The following GDAP1 variants were observed in gnomAD, a reference collection of about 807,000 sequenced individuals.
GDAP1 encodes the protein ganglioside-induced differentiation-associated protein 1.
In GDAP1, 34 loss-of-function variants were observed where a neutral mutation model predicts 40.1. That is an observed-to-expected ratio of 0.85 (90% CI 0.64 to 1.13). The LOEUF is 1.13. GDAP1 is among the 50% of genes most tolerant of loss of function. The pLI, the probability that GDAP1 is intolerant of heterozygous loss-of-function variation, is 0.00. For missense variants in GDAP1, 374 were observed against 433.7 expected (o/e 0.86, Z 1.22); for synonymous variants, 170 against 157.4 (o/e 1.08, Z -0.60).
chr8:74,403,768 C>CTGT (rs1320918276), intron 2 of GDAP1, among the ~76,000 whole-genome samples: 1 of 150,104 alleles, frequency 6.7e-6, no homozygotes, highest in Non-Finnish European at 1.5e-5. Flanking sequence ...AGCGTACTGC[C>CTGT]TGTCTACCTA....
Position 74,409,885 on chromosome 8 carries a change from T to C in GDAP1, c.165+58564T>C, listed in dbSNP as rs1805687517. ...CTGCTATATAGACCCCAAATTTTAG[T>C]TGGTCAGAAAGATGGACTTGAGACT... On this transcript the variant is annotated intron_variant, in intron 2 of 2. Transcript: ENST00000523640. Among the ~76,000 whole-genome samples, 2 of 149,994 alleles carry C rather than the reference T, an allele frequency of 1.3e-5. 1 individual carries two copies. Among genetic ancestry groups the C allele is most frequent in the African/African-American group, 5.1e-5 (2 of 39,346 alleles).
chr8:74,364,006 T>A lies in GDAP1; in HGVS notation c.716T>A (p.Leu239His). ...TTAGAAGAGGGCCAGCAACCTTGGC[T>A]CTGCGGTGAATCCTTCACCCTGGCA... ...ETPEEGQQPW[L>H]CGESFTLADV... Residue 239 changes from leucine (L) to histidine (H), a missense_variant, in exon 6 of 6, where the codon CTC (leucine) becomes CAC (histidine). By Grantham distance (99) the Leu-to-His change is moderately conservative. Transcript: ENST00000220822. 6.2e-7 allele frequency: 1 copy of A among 1,614,096 alleles called. No homozygotes were observed. Among genetic ancestry groups the A allele is most frequent in the South Asian group, 1.1e-5 (1 of 91,076 alleles).
At chr8:74,468,429 T>A (rs1193088073) in intron 2 of GDAP1, among the ~76,000 whole-genome samples, 1 of 151,710 alleles carries the variant, frequency 6.6e-6, no homozygotes, top group Non-Finnish European at 1.5e-5. Flanking sequence ...ATTGATTTAA[T>A]AAATTTCTTG....
chr8:74,456,298 C>A (rs1300163031), intron 2 of GDAP1, among the ~76,000 whole-genome samples: 1 of 151,914 alleles, frequency 6.6e-6, no homozygotes, highest in Non-Finnish European at 1.5e-5. Context: ...TGTCTTGTAT[C>A]TGAAAAGCTT....
chr8:74,437,872 G>A (rs1806112645), intron 2 of GDAP1, among the ~76,000 whole-genome samples: 1 of 152,076 alleles, frequency 6.6e-6, no homozygotes, highest in South Asian at 2.1e-4. Context: ...TGGACATATA[G>A]ACTGTCTCCA....
chr8:74,438,289 A>G (rs1355037059), intron 2 of GDAP1, among the ~76,000 whole-genome samples: 1 of 152,074 alleles, frequency 6.6e-6, no homozygotes, highest in Non-Finnish European at 1.5e-5. Flanking sequence ...AAACAACAAC[A>G]AAAAAAGAAG....
At chr8:74,396,559 T>C (rs1251711703) in intron 2 of GDAP1, among the ~76,000 whole-genome samples, 3 of 150,018 alleles carry the variant, frequency 2.0e-5, no homozygotes, top group African/African-American at 2.4e-5. Flanking sequence ...CCTGTGTCCA[T>C]GTGTTCTCAT....
intron 2 of GDAP1, among the ~76,000 whole-genome samples, chr8:74,444,157 A>G (rs1460485647): frequency 2.0e-5 from 3 of 151,344 alleles, no homozygotes; most frequent in Non-Finnish European, 4.4e-5. Context: ...GTCCATGGTG[A>G]CTGGTGAGTG....
chr8:74,422,348 T>TCTTTCTTA (rs1805882933), intron 2 of GDAP1, among the ~76,000 whole-genome samples: 2 of 37,686 alleles, frequency 5.3e-5, no homozygotes, highest in Admixed American at 5.8e-4. Flanking sequence ...TTTCTTTCTT[T>TCTTTCTTA]CTTCCCTTCC....
rs1473257814 is a variant in GDAP1, at chr8:74,366,514, T to A, written c.*2147T>A. 2.2e-6 allele frequency: 1 copy of A among 454,320 alleles called. No individual in the cohort carries two copies. The highest frequency in any genetic ancestry group is 4.4e-6 in the Non-Finnish European group (1 of 226,726). 28.1% of individuals were successfully genotyped at this position (454,320 alleles called of 1,614,324 possible). A position where few individuals can be genotyped will look rare whatever the true frequency, so the allele number is the denominator to read the frequency against. On this transcript the variant is annotated 3_prime_UTR_variant, in exon 6 of 6. Coordinates refer to ENST00000220822, the MANE Select transcript of GDAP1 (RefSeq NM_018972.4). ...GTCAAGCTAGAGTTAAACACAGTAT[T>A]AGCTAAATAGGCACTTATGTGTATT... is the stretch of plus-strand genomic sequence containing the variant.
At chr8:74,380,923 T>A (rs920092198) in intron 2 of GDAP1, among the ~76,000 whole-genome samples, 4 of 152,192 alleles carry the variant, frequency 2.6e-5, no homozygotes, top group Admixed American at 2.6e-4. Flanking sequence ...ATTGATAGTC[T>A]TAAATAAAGT....
chr8:74,395,031 C>A (rs1473416283), intron 2 of GDAP1, among the ~76,000 whole-genome samples: 2 of 152,114 alleles, frequency 1.3e-5, no homozygotes, highest in Non-Finnish European at 2.9e-5. Flanking sequence ...TCTTTGCTGG[C>A]CTGTAAACTT....
At chr8:74,398,999 T>A (rs1010745080) in intron 2 of GDAP1, among the ~76,000 whole-genome samples, 1 of 152,084 alleles carries the variant, frequency 6.6e-6, no homozygotes, top group African/African-American at 2.4e-5. Flanking sequence ...AGGATATTGA[T>A]CTAAAATTCT....
In GDAP1 at chr8:74,450,739, G is replaced by A. The variant is rs1432582406; in HGVS notation, c.166-37939G>A. On this transcript the variant is annotated intron_variant, in intron 2 of 2. Transcript: ENST00000523640. The stretch of plus-strand genomic sequence containing the variant: ...TTTGATTTGGCAATCTCTTTTAATT[G>A]CAGCTTTTAGTTTATTTACATTAAT... 1.6e-4 allele frequency among the ~76,000 whole-genome samples: 6 copies of A among 38,140 alleles called. 3 individuals are homozygous for A. The highest frequency in any genetic ancestry group is 7.4e-4 in the African/African-American group (6 of 8,106). The allele number at this position is 38,140 out of a possible 152,430, so 25.0% of individuals were successfully genotyped here. A position where few individuals can be genotyped will look rare whatever the true frequency, so the allele number is the denominator to read the frequency against.
At chr8:74,481,124 T>G (rs1318020733) in intron 2 of GDAP1, among the ~76,000 whole-genome samples, 1 of 152,268 alleles carries the variant, frequency 6.6e-6, no homozygotes, top group Non-Finnish European at 1.5e-5. Context: ...TTGAAGAAAC[T>G]GTGACACTGA....
At chr8:74,459,871 AATTACAACCAC>A (rs1340882602) in intron 2 of GDAP1, among the ~76,000 whole-genome samples, 6 of 152,226 alleles carry the variant, frequency 3.9e-5, no homozygotes, top group African/African-American at 1.4e-4. Flanking sequence ...ATGTACTTAA[AATTACAACCAC>A]ATTATATTCA....
Position 74,401,108 on chromosome 8 carries a change from A to G in GDAP1, c.165+49787A>G, listed in dbSNP as rs1286548179. On this transcript the variant is annotated intron_variant, in intron 2 of 2. Transcript: ENST00000523640. ...AATCTGAATGTTGGCCTGCCTTGCT[A>G]GATTGGGGAAGTTCTCCTGGATAAT... Among the ~76,000 whole-genome samples the G allele has an allele frequency of 3.4e-5, 5 of 149,084 alleles. 1 individual carries two copies. The highest frequency in any genetic ancestry group is 1.3e-4 in the African/African-American group (5 of 38,604).
intron 2 of GDAP1, among the ~76,000 whole-genome samples, chr8:74,429,391 T>C (rs1805998449): frequency 6.6e-6 from 1 of 152,188 alleles, no homozygotes; most frequent in South Asian, 2.1e-4. Context: ...AAATTCACCC[T>C]TCAAAATAGT....
intron 2 of GDAP1, among the ~76,000 whole-genome samples, chr8:74,357,775 C>G (rs948103385): frequency 2.0e-5 from 3 of 152,234 alleles, no homozygotes; most frequent in Non-Finnish European, 4.4e-5. Flanking sequence ...CTGTCCTGCC[C>G]CGCTATGCCT....
Sources: allele counts gnomAD v4.1 joint callset (sites outside exome capture counted in the v4.1 genomes callset), GRCh38; gene constraint gnomAD v4.1.1; transcripts MANE v1.5; gene names NCBI Gene and HGNC (gene_info 2026-07-23, HGNC 2026-07-21).